The following PTPRT variants were observed in gnomAD, a reference collection of about 807,000 sequenced individuals.
PTPRT encodes protein tyrosine phosphatase receptor type T.
In PTPRT, 56 loss-of-function variants were observed where a neutral mutation model predicts 176.8. The ratio of observed to expected loss-of-function variants is 0.32; its 90% CI spans 0.26 to 0.40. PTPRT has a LOEUF of 0.40. Among genes scored for constraint, PTPRT ranks in the 10% least tolerant of loss-of-function variants. The pLI is 1.00. For synonymous variants in PTPRT, 783 were observed against 739.0 expected (o/e 1.06, Z -0.96); for missense variants, 1,540 against 1,908.2 (o/e 0.81, Z 3.60).
intron 16 of PTPRT, among the ~76,000 whole-genome samples, chr20:42,177,716 G>A (rs1159126211): frequency 6.6e-6 from 1 of 152,114 alleles, no homozygotes; most frequent in African/African-American, 2.4e-5. Flanking sequence ...CATGTTTTGG[G>A]AACTACTGTT....
chr20:42,374,052 C>G (rs2058621673), intron 9 of PTPRT, among the ~76,000 whole-genome samples: 1 of 152,182 alleles, frequency 6.6e-6, no homozygotes, highest in Admixed American at 6.6e-5. Flanking sequence ...GGAGGCAGAA[C>G]AGGTGCAAGT....
intron 9 of PTPRT, among the ~76,000 whole-genome samples, chr20:42,366,941 G>A (rs1176300730): frequency 6.6e-6 from 1 of 152,250 alleles, no homozygotes; most frequent in Non-Finnish European, 1.5e-5. Flanking sequence ...GTGGCTTTGA[G>A]ACGTTGCCTT....
At chr20:42,069,453 C>G (rs1331385587), downstream of PTPRT, among the ~76,000 whole-genome samples, 1 of 152,118 alleles carries the variant, frequency 6.6e-6, no homozygotes, top group Non-Finnish European at 1.5e-5. Flanking sequence ...CATTTTCAAA[C>G]CTCTTGATCC....
Position 42,476,575 on chromosome 20 carries a change from G to T in PTPRT, c.1154-4013C>A, listed in dbSNP as rs2071293520. ...TACTGAAATCTTGGGAGATGATTTTGGGGAGATGATTTTTCTACTGGCTAT... is the reference window on the plus strand; with the variant it reads ...TACTGAAATCTTGGGAGATGATTTTTGGGAGATGATTTTTCTACTGGCTAT... On this transcript the variant is annotated intron_variant, in intron 7 of 30. Coordinates refer to ENST00000373187, the MANE Select transcript of PTPRT (RefSeq NM_007050.6). Among the ~76,000 whole-genome samples, 4 of 152,154 alleles carry T rather than the reference G, an allele frequency of 2.6e-5. No homozygotes were observed. The South Asian group carries it at 6.2e-4, about 24-fold the overall frequency.
chr20:42,082,820 G>A (rs775078597), intron 29 of PTPRT, among the ~76,000 whole-genome samples: 10 of 152,206 alleles, frequency 6.6e-5, no homozygotes, highest in Non-Finnish European at 1.3e-4. Flanking sequence ...GTGTTGCCAA[G>A]AGCAACTAAT....
At chr20:43,067,606 T>C (rs1471691738) in intron 1 of PTPRT, among the ~76,000 whole-genome samples, 2 of 151,990 alleles carry the variant, frequency 1.3e-5, no homozygotes, top group Non-Finnish European at 2.9e-5. Flanking sequence ...AACCAAGTAA[T>C]GCTTACAGGA....
chr20:43,117,801 G>C (rs1449846331), intron 1 of PTPRT, among the ~76,000 whole-genome samples: 1 of 152,122 alleles, frequency 6.6e-6, no homozygotes, highest in Non-Finnish European at 1.5e-5. Flanking sequence ...ACACAACATA[G>C]ATAGGAAGCA....
chr20:42,420,361 C>T (rs1019456555), intron 9 of PTPRT, among the ~76,000 whole-genome samples: 2 of 152,098 alleles, frequency 1.3e-5, no homozygotes, highest in African/African-American at 4.8e-5. Context: ...GTCTGAGCTC[C>T]GGTGCTTATT....
At chr20:42,300,075 T>C (rs1170842249) in intron 12 of PTPRT, among the ~76,000 whole-genome samples, 3 of 149,342 alleles carry the variant, frequency 2.0e-5, no homozygotes, top group Non-Finnish European at 4.5e-5. Context: ...CTGGCCAACA[T>C]GGTGAAACCC....
chr20:42,581,555 C>G (rs973022692), intron 7 of PTPRT, among the ~76,000 whole-genome samples: 4 of 148,762 alleles, frequency 2.7e-5, no homozygotes, highest in African/African-American at 9.8e-5. Context: ...AAGGCTTAAA[C>G]TCACAGGAGA....
chr20:42,217,376 TACACACACACACACACACAC>T (rs71335847), intron 15 of PTPRT, among the ~76,000 whole-genome samples: 4 of 104,326 alleles, frequency 3.8e-5, no homozygotes, highest in East Asian at 5.6e-4. Context: ...CTCTCAAACA[TACACACACACACACACACAC>T]ACACACACAC....
intron 16 of PTPRT, among the ~76,000 whole-genome samples, chr20:42,179,851 A>C (rs1016261897): frequency 1.3e-5 from 2 of 152,214 alleles, no homozygotes; most frequent in African/African-American, 4.8e-5. Context: ...ATGGGTGACT[A>C]GCCTAAAGAA....
At chr20:43,101,506 TA>T (rs2012390698) in intron 1 of PTPRT, among the ~76,000 whole-genome samples, 1 of 152,142 alleles carries the variant, frequency 6.6e-6, no homozygotes, top group Non-Finnish European at 1.5e-5. Flanking sequence ...CTCATAGCTC[TA>T]ATGATTAAAT....
chr20:42,808,369 GCGTTGGTTCTTTAAAAACACA>G (rs1011960789), intron 2 of PTPRT, among the ~76,000 whole-genome samples: 1 of 152,164 alleles, frequency 6.6e-6, no homozygotes, highest in Non-Finnish European at 1.5e-5. Context: ...GGGGACATTT[GCGTTGGTTCTTTAAAAACACA>G]CAGGAATATT....
chr20:43,154,979 T>C (rs4812680), intron 1 of PTPRT, among the ~76,000 whole-genome samples: 75,874 of 151,926 alleles, frequency 0.5, 21,538 homozygotes, highest in Non-Finnish European at 0.65. Flanking sequence ...ATCAGGGAAA[T>C]GCAAATTACA....
chr20:42,166,281 A>T (rs1481025655), intron 16 of PTPRT, among the ~76,000 whole-genome samples: 1 of 152,190 alleles, frequency 6.6e-6, no homozygotes, highest in Non-Finnish European at 1.5e-5. Flanking sequence ...ATCCAAAAGA[A>T]CCTTACACAT....
At chr20:42,116,341 C>T (rs1467334019) in intron 21 of PTPRT, among the ~76,000 whole-genome samples, 1 of 152,158 alleles carries the variant, frequency 6.6e-6, no homozygotes, top group African/African-American at 2.4e-5. Context: ...ACTAATCATC[C>T]TGCAGACTAG....
At chr20:42,298,963 T>C (rs1568751337) in intron 12 of PTPRT, among the ~76,000 whole-genome samples, 1 of 147,338 alleles carries the variant, frequency 6.8e-6, no homozygotes, top group East Asian at 2.0e-4. Context: ...TGTGCAGCTG[T>C]AAAAAAAAAA....
At chr20:43,084,875 A>G (rs1476113871) in intron 1 of PTPRT, among the ~76,000 whole-genome samples, 1 of 152,142 alleles carries the variant, frequency 6.6e-6, no homozygotes, top group Non-Finnish European at 1.5e-5. Context: ...TCTTCTTTCT[A>G]CCTTTCTGTA....
Sources: gnomAD v4.1 joint callset for allele counts (sites outside exome capture counted in the v4.1 genomes callset) on GRCh38, gnomAD v4.1.1 for gene constraint, MANE v1.5 for transcripts, NCBI Gene and HGNC (gene_info 2026-07-23, HGNC 2026-07-21) for gene names.